CLYBL: variants seen among roughly 807,000 people sequenced by gnomAD.
CLYBL encodes citramalyl-CoA lyase, mitochondrial.
CLYBL carries 31 observed loss-of-function variants against 38.9 expected under a neutral mutation model. The observed-to-expected ratio is 0.80, with a 90% confidence interval of 0.60 to 1.08. CLYBL has a LOEUF of 1.08. Ranked by LOEUF, CLYBL falls within the 50% of genes least tolerant of loss-of-function variation. The pLI, the probability that CLYBL is intolerant of heterozygous loss-of-function variation, is 0.00. For synonymous variants in CLYBL, 171 were observed against 158.6 expected (o/e 1.08, Z -0.59); for missense variants, 434 against 411.6 (o/e 1.05, Z -0.47).
In CLYBL at chr13:99,661,944, A is replaced by C. The variant is rs563880702; in HGVS notation, c.62+55187A>C. Among the ~76,000 whole-genome samples the C allele has an allele frequency of 3.3e-5, 5 of 152,290 alleles. No individual in the cohort carries two copies. The East Asian group carries it at 9.6e-4, about 29-fold the overall frequency. ...GCCCCTGCTGTCATCCCTTTGTTTC[A>C]GGCCCAATCAGCAAACTAAACTTTT... On this transcript the variant is annotated intron_variant, in intron 1 of 8. Transcript: ENST00000339105.
chr13:99,701,968 TGAAGTG>T (rs1244616982), intron 1 of CLYBL, among the ~76,000 whole-genome samples: 1 of 151,906 alleles, frequency 6.6e-6, no homozygotes, highest in East Asian at 1.9e-4. Context: ...AACAAAGGAG[TGAAGTG>T]ATACCCCCTC....
chr13:99,646,251 C>T (rs2139286334), intron 1 of CLYBL, among the ~76,000 whole-genome samples: 1 of 152,210 alleles, frequency 6.6e-6, no homozygotes, highest in East Asian at 1.9e-4. Flanking sequence ...TCTACTTGTA[C>T]CTTAAGCAGT....
intron 2 of CLYBL, among the ~76,000 whole-genome samples, chr13:99,827,806 G>A (rs1326987543): frequency 6.6e-6 from 1 of 152,252 alleles, no homozygotes; most frequent in Admixed American, 6.5e-5. Context: ...ATGGGGTATG[G>A]TTCGGGAGGG....
chr13:99,828,011 A>G (rs2050729570), intron 2 of CLYBL, among the ~76,000 whole-genome samples: 2 of 152,152 alleles, frequency 1.3e-5, no homozygotes, highest in Admixed American at 1.3e-4. Context: ...GTGCACAGGG[A>G]AGAGTTGAAA....
intron 1 of CLYBL, among the ~76,000 whole-genome samples, chr13:99,733,839 T>G (rs1258334614): frequency 6.6e-6 from 1 of 152,220 alleles, no homozygotes; most frequent in East Asian, 1.9e-4. Flanking sequence ...TCCCTGTCTG[T>G]TTTTTGGTGG....
At chr13:99,761,743 A>G (rs1402337280) in intron 1 of CLYBL, among the ~76,000 whole-genome samples, 4 of 152,226 alleles carry the variant, frequency 2.6e-5, no homozygotes, top group African/African-American at 4.8e-5. Flanking sequence ...AGGAACCTCA[A>G]TACTGTTCTC....
In CLYBL at chr13:99,731,751, C is replaced by T. The variant is rs191361503; in HGVS notation, c.63-41073C>T. ...TGGATGGGGAGGGAGGAAGGAAGGG[C>T]CTCGGACATCTCCTGATGTGAAGAA... On this transcript the variant is annotated intron_variant, in intron 1 of 8. Coordinates refer to ENST00000339105, the MANE Select transcript of CLYBL (RefSeq NM_206808.5). Among the ~76,000 whole-genome samples the T allele has an allele frequency of 3.3e-4, 50 of 152,256 alleles. No individual in the cohort carries two copies. The East Asian group carries it at 8.5e-3, about 26-fold the overall frequency.
intron 1 of CLYBL, among the ~76,000 whole-genome samples, chr13:99,699,536 A>G (rs1347782753): frequency 1.3e-5 from 2 of 150,574 alleles, no homozygotes; most frequent in African/African-American, 4.9e-5. Flanking sequence ...TACGAAAAAT[A>G]CCAAAAATTA....
intron 2 of CLYBL, among the ~76,000 whole-genome samples, chr13:99,833,979 T>C (rs2050879428): frequency 6.6e-6 from 1 of 151,984 alleles, no homozygotes; most frequent in Non-Finnish European, 1.5e-5. Flanking sequence ...GGATTACAGG[T>C]GTGAGTCACC....
At chr13:99,899,988 G>T (rs2052623381), downstream of CLYBL, among the ~76,000 whole-genome samples, 1 of 152,064 alleles carries the variant, frequency 6.6e-6, no homozygotes, top group South Asian at 2.1e-4. Context: ...GTGTAGTGGT[G>T]AGATATTGGC....
chr13:99,716,169 ATT>A (rs4001024), intron 1 of CLYBL, among the ~76,000 whole-genome samples: 32 of 33,424 alleles, frequency 9.6e-4, no homozygotes, highest in African/African-American at 3.0e-3. Flanking sequence ...TATTGGTGTA[ATT>A]TTTTTTTTTT....
At chr13:99,714,000 G>C (rs1444887897) in intron 1 of CLYBL, among the ~76,000 whole-genome samples, 1 of 132,076 alleles carries the variant, frequency 7.6e-6, no homozygotes, top group Non-Finnish European at 1.6e-5. Flanking sequence ...TTGTTTGTTT[G>C]TTTTTGAGAC....
intron 1 of CLYBL, among the ~76,000 whole-genome samples, chr13:99,707,945 G>A (rs979719641): frequency 6.6e-6 from 1 of 152,096 alleles, no homozygotes; most frequent in Non-Finnish European, 1.5e-5. Flanking sequence ...CATTCACCCT[G>A]GACTTAGGGA....
In CLYBL at chr13:99,658,830, C is replaced by CT. The variant is rs569869000; in HGVS notation, c.62+52080dup. The stretch of plus-strand genomic sequence containing the variant: ...GGGACTGTTGGTGTCACCAGAGCCT[C>CT]TTTTTTTATGCAATCCTAGACTCCA... On this transcript the variant is annotated intron_variant, in intron 1 of 8. Transcript: ENST00000339105. Among the ~76,000 whole-genome samples, 13 of 152,278 alleles carry CT rather than the reference C, an allele frequency of 8.5e-5. No homozygotes were observed. The South Asian group carries it at 2.7e-3, about 32-fold the overall frequency.
At chr13:99,781,353 G>A (rs2049648712) in intron 2 of CLYBL, among the ~76,000 whole-genome samples, 1 of 151,672 alleles carries the variant, frequency 6.6e-6, no homozygotes, top group Non-Finnish European at 1.5e-5. Context: ...TCTATTTTTA[G>A]TAGAGATGGG....
rs76049507 is a variant in CLYBL, at chr13:99,616,415, G to C, written c.62+9658G>C. On this transcript the variant is annotated intron_variant, in intron 1 of 8. Transcript: ENST00000339105. ...ACATGACTCTAGCACATATATATTT[G>C]TATGTGTATAACCACAGTTGTTCAT... is the stretch of plus-strand genomic sequence containing the variant. Among the ~76,000 whole-genome samples the C allele has an allele frequency of 3.7e-3, 561 of 152,218 alleles. 4 individuals are homozygous for C. The highest frequency in any genetic ancestry group is 0.013 in the African/African-American group (542 of 41,534).
At chr13:99,896,519 G>A (rs1594254091), downstream of CLYBL, 1 of 152,322 alleles carries the variant, frequency 6.6e-6, no homozygotes, top group Admixed American at 6.5e-5. Context: ...CTAGCCCCGA[G>A]GGGCCCCGCA....
chr13:99,824,915 G>C lies in CLYBL; in HGVS notation c.250-33946G>C, dbSNP rs186386105. ...TAGGATGTCAGTTTTTCACTTTATG[G>C]AATAGGTTCACATCCTGCTTCTCAC... On this transcript the variant is annotated intron_variant, in intron 2 of 8. Transcript: ENST00000339105. Among the ~76,000 whole-genome samples, 61 of 151,626 alleles carry C rather than the reference G, an allele frequency of 4.0e-4. 3 individuals carry two copies. In the Admixed American group the frequency reaches 4.0e-3, roughly 10 times the overall value.
chr13:99,671,446 G>A (rs1243576959), intron 1 of CLYBL, among the ~76,000 whole-genome samples: 1 of 152,134 alleles, frequency 6.6e-6, no homozygotes, highest in Non-Finnish European at 1.5e-5. Flanking sequence ...AGTGCTTGGT[G>A]AAGGCAAGGG....
Sources: allele counts gnomAD v4.1 joint callset (sites outside exome capture counted in the v4.1 genomes callset), GRCh38; gene constraint gnomAD v4.1.1; transcripts MANE v1.5; gene names NCBI Gene and HGNC (gene_info 2026-07-23, HGNC 2026-07-21).